SETBP1: variants seen among roughly 807,000 people sequenced by gnomAD.
SETBP1 encodes SET-binding protein.
SETBP1 carries 9 observed loss-of-function variants against 101.0 expected under a neutral mutation model. That is an observed-to-expected ratio of 0.09 (90% CI 0.05 to 0.16). The LOEUF (loss-of-function observed/expected upper bound fraction) is 0.16. SETBP1 is among the 10% of genes least tolerant of loss of function. SETBP1 has a pLI of 1.00. For missense variants in SETBP1, 1,858 were observed against 2,033.8 expected (o/e 0.91, Z 1.66); for synonymous variants, 818 against 788.5 (o/e 1.04, Z -0.63).
intron 1 of SETBP1, among the ~76,000 whole-genome samples, chr18:44,685,212 G>A (rs1429620348): frequency 6.6e-6 from 1 of 152,224 alleles, no homozygotes; most frequent in Admixed American, 6.5e-5. Flanking sequence ...AGGAATAGGG[G>A]ATGAATGGTG....
intron 3 of SETBP1, among the ~76,000 whole-genome samples, chr18:44,919,126 A>G (rs1232159938): frequency 1.3e-5 from 2 of 152,214 alleles, no homozygotes; most frequent in Non-Finnish European, 2.9e-5. Context: ...TGTGGTCATC[A>G]TCTAGTCCAC....
At chr18:44,873,899 C>T (rs1444414673) in intron 3 of SETBP1, among the ~76,000 whole-genome samples, 2 of 152,156 alleles carry the variant, frequency 1.3e-5, no homozygotes, top group African/African-American at 4.8e-5. Flanking sequence ...AAAAAGCCCA[C>T]ATTTGTAGCA....
intron 3 of SETBP1, among the ~76,000 whole-genome samples, chr18:44,872,579 G>A (rs560142434): frequency 1.3e-5 from 2 of 152,324 alleles, no homozygotes; most frequent in Admixed American, 6.5e-5. Flanking sequence ...ATCTCCAGGA[G>A]CAATCCAAGG....
At chr18:44,885,047 A>C (rs994993123) in intron 3 of SETBP1, among the ~76,000 whole-genome samples, 1 of 152,154 alleles carries the variant, frequency 6.6e-6, no homozygotes, top group African/African-American at 2.4e-5. Context: ...TTATATGAAC[A>C]CACATAAAAA....
In SETBP1 at chr18:44,998,513, T is replaced by G. The variant is rs368934530; in HGVS notation, c.4001-39972T>G. On this transcript the variant is annotated intron_variant, in intron 4 of 5. Transcript: ENST00000649279. ...CTAGTCAAACATATGTACCGTTCAG[T>G]AGACATATTGGCTGTATTCACAGCT... is the stretch of plus-strand genomic sequence containing the variant. Among the ~76,000 whole-genome samples the G allele has an allele frequency of 3.3e-5, 5 of 152,366 alleles. No individual in the cohort carries two copies. In the East Asian group the frequency reaches 7.7e-4, roughly 24 times the overall value.
At chr18:44,915,456 G>A (rs1424071287) in intron 3 of SETBP1, among the ~76,000 whole-genome samples, 1 of 152,158 alleles carries the variant, frequency 6.6e-6, no homozygotes, top group Admixed American at 6.6e-5. Context: ...AACACCACGG[G>A]AATATAAGAG....
intron 4 of SETBP1, among the ~76,000 whole-genome samples, chr18:45,023,671 A>C (rs1167365319): frequency 6.6e-6 from 1 of 152,206 alleles, no homozygotes; most frequent in African/African-American, 2.4e-5. Context: ...GTTGGCCAGC[A>C]ACCTGTCATC....
chr18:44,690,688 T>G (rs2144129274), intron 1 of SETBP1, among the ~76,000 whole-genome samples: 1 of 152,336 alleles, frequency 6.6e-6, no homozygotes, highest in East Asian at 1.9e-4. Flanking sequence ...ATCCCTCAAC[T>G]TTAATTTTCT....
intron 2 of SETBP1, among the ~76,000 whole-genome samples, chr18:44,866,386 C>T (rs2069129515): frequency 6.6e-6 from 1 of 152,198 alleles, no homozygotes; most frequent in South Asian, 2.1e-4. Flanking sequence ...TATTCTGGTC[C>T]TCACCTCTGG....
intron 3 of SETBP1, among the ~76,000 whole-genome samples, chr18:44,931,009 T>C: frequency 6.6e-6 from 1 of 152,224 alleles, no homozygotes. Flanking sequence ...CTTGCTTCTC[T>C]AGTTCTTTTA....
Position 45,063,857 on chromosome 18 carries a change from C to A in SETBP1, c.*159C>A. On this transcript the variant is annotated 3_prime_UTR_variant, in exon 6 of 6. Transcript: ENST00000649279. ...CGGCCAGACGACGGGGCTGAGCCAT[C>A]AGGAGCTCTTGGGAAAGCAAAGCAG... is the stretch of plus-strand genomic sequence containing the variant. 1 of 751,682 alleles carries A rather than the reference C, an allele frequency of 1.3e-6. No individual in the cohort carries two copies. The allele number at this position is 751,682 out of a possible 1,614,324, so 46.6% of individuals were successfully genotyped here.
intron 2 of SETBP1, among the ~76,000 whole-genome samples, chr18:44,746,503 G>C (rs898291479): frequency 4.6e-5 from 7 of 152,188 alleles, no homozygotes; most frequent in African/African-American, 1.7e-4. Context: ...AGAAAAGTAG[G>C]ATGATATGTT....
intron 2 of SETBP1, among the ~76,000 whole-genome samples, chr18:44,827,705 A>G (rs950206938): frequency 6.6e-6 from 1 of 152,196 alleles, no homozygotes; most frequent in African/African-American, 2.4e-5. Context: ...CAAAAGAGAA[A>G]CTGCATACTT....
intron 3 of SETBP1, 116 bp downstream of exon 3, chr18:44,869,399 T>C (rs1393706371): frequency 2.2e-6 from 2 of 925,338 alleles, no homozygotes; most frequent in East Asian, 5.0e-5. Context: ...TTCTAGCTTC[T>C]TTCCCTAGCT....
intron 2 of SETBP1, among the ~76,000 whole-genome samples, chr18:44,824,563 C>T (rs769656833): frequency 3.9e-5 from 6 of 152,104 alleles, no homozygotes; most frequent in Admixed American, 6.5e-5. Context: ...TTCCTGATTG[C>T]GCCTCTATAT....
intron 2 of SETBP1, among the ~76,000 whole-genome samples, chr18:44,791,683 A>G (rs1009893785): frequency 2.0e-5 from 3 of 152,218 alleles, no homozygotes; most frequent in Admixed American, 6.5e-5. Context: ...CTCCCTGTCT[A>G]AGGTTGAAAC....
Position 44,808,752 on chromosome 18 carries a change from G to A in SETBP1, c.487-60478G>A, listed in dbSNP as rs16978181. Among the ~76,000 whole-genome samples, 784 of 152,230 alleles carry A rather than the reference G, an allele frequency of 5.2e-3. 8 individuals carry two copies. Among genetic ancestry groups the A allele is most frequent in the African/African-American group, 0.018 (730 of 41,546 alleles). On this transcript the variant is annotated intron_variant, in intron 2 of 5. Transcript: ENST00000649279. The stretch of plus-strand genomic sequence containing the variant: ...CTAACATGATTCTTGCTGACCCTAA[G>A]CATTTGCTGTAGTAGGGCTGGGGAA...
At chr18:44,854,861 C>T (rs565625098) in intron 2 of SETBP1, among the ~76,000 whole-genome samples, 80 of 152,310 alleles carry the variant, frequency 5.3e-4, no homozygotes, top group African/African-American at 1.2e-3. Flanking sequence ...ATGGCTCTTA[C>T]GTGATGTGGC....
chr18:44,929,314 A>G (rs1423299345), intron 3 of SETBP1, among the ~76,000 whole-genome samples: 2 of 152,194 alleles, frequency 1.3e-5, no homozygotes, highest in Non-Finnish European at 2.9e-5. Context: ...TGGTAGCAGT[A>G]CCATGCTGTT....
Sources: gnomAD v4.1 joint callset for allele counts (sites outside exome capture counted in the v4.1 genomes callset) on GRCh38, gnomAD v4.1.1 for gene constraint, MANE v1.5 for transcripts, NCBI Gene and HGNC (gene_info 2026-07-23, HGNC 2026-07-21) for gene names.